The following MRTFA variants were observed in gnomAD, a reference collection of about 807,000 sequenced individuals.
The protein encoded by MRTFA is myocardin related transcription factor A.
MRTFA carries 20 observed loss-of-function variants against 83.5 expected under a neutral mutation model. That is an observed-to-expected ratio of 0.24 (90% CI 0.17 to 0.35). The LOEUF is 0.35. Ranked by LOEUF, MRTFA falls within the 10% of genes least tolerant of loss-of-function variation. MRTFA has a pLI of 1.00. For synonymous variants in MRTFA, 659 were observed against 541.2 expected, an observed-to-expected ratio of 1.22 and a Z score of -3.02; for missense variants, 1,200 against 1,224.7, an observed-to-expected ratio of 0.98 and a Z score of 0.30.
chr22:40,630,992 T>G (rs1291137146), intron 1 of MRTFA, among the ~76,000 whole-genome samples: 3 of 152,166 alleles, frequency 2.0e-5, no homozygotes, highest in Admixed American at 6.5e-5. Context: ...AAGTACTGCT[T>G]CCAGCTAAAC....
At chr22:40,599,463 T>C (rs2056232545) in intron 1 of MRTFA, among the ~76,000 whole-genome samples, 1 of 152,186 alleles carries the variant, frequency 6.6e-6, no homozygotes, top group African/African-American at 2.4e-5. Context: ...AAGATGACAT[T>C]ATCCTTATCT....
At chr22:40,437,872 AT>A (rs2053202101) in intron 4 of MRTFA, among the ~76,000 whole-genome samples, 2 of 151,846 alleles carry the variant, frequency 1.3e-5, no homozygotes, top group South Asian at 4.2e-4. Context: ...GGTTTTGTCT[AT>A]TTTTTTAGTC....
chr22:40,574,982 G>A (rs1166848326), intron 2 of MRTFA, among the ~76,000 whole-genome samples: 2 of 152,118 alleles, frequency 1.3e-5, no homozygotes, highest in Non-Finnish European at 1.5e-5. Flanking sequence ...TGAACTCCTG[G>A]ACTAGACTAT....
intron 4 of MRTFA, among the ~76,000 whole-genome samples, chr22:40,437,159 ACCTGGGCACTAT>A (rs1431895023): frequency 1.3e-5 from 2 of 152,108 alleles, no homozygotes; most frequent in African/African-American, 4.8e-5. Flanking sequence ...TCCCCAACCT[ACCTGGGCACTAT>A]CCAGGATTCC....
chr22:40,474,682 G>A (rs2053963998), intron 3 of MRTFA, among the ~76,000 whole-genome samples: 1 of 152,212 alleles, frequency 6.6e-6, no homozygotes, highest in Non-Finnish European at 1.5e-5. Flanking sequence ...ATACAGTAGT[G>A]ACTGAAGGCC....
At chr22:40,539,738 G>A (rs925524164) in intron 3 of MRTFA, among the ~76,000 whole-genome samples, 5 of 152,070 alleles carry the variant, frequency 3.3e-5, no homozygotes, top group Admixed American at 6.5e-5. Context: ...TCTTGACCTC[G>A]TGATCCGCCT....
rs71199292 is a variant in MRTFA at position 40,571,026 on chromosome 22, C to CAAAAAAAA, written c.-21-18667_-21-18660dup. On this transcript the variant is annotated intron_variant, in intron 2 of 14. Transcript: ENST00000355630. Reference sequence around the variant, plus strand: ...GCAACATAGTGAATCCCTGTCTCTACAAAAAAAAAAAAAAAAAAAAAAAAA... The same window carrying CAAAAAAAA: ...GCAACATAGTGAATCCCTGTCTCTACAAAAAAAAAAAAAAAAAAAAAAAAAAAAAAAAA... Among the ~76,000 whole-genome samples, 13 of 46,730 alleles carry CAAAAAAAA rather than the reference C, an allele frequency of 2.8e-4. 2 individuals are homozygous for CAAAAAAAA. Among genetic ancestry groups the CAAAAAAAA allele is most frequent in the Non-Finnish European group, 4.5e-4 (12 of 26,652 alleles). The allele number at this position is 46,730 out of a possible 152,430, so 30.7% of individuals were successfully genotyped here.
intron 3 of MRTFA, among the ~76,000 whole-genome samples, chr22:40,469,140 T>C (rs2053858931): frequency 6.6e-6 from 1 of 152,158 alleles, no homozygotes; most frequent in African/African-American, 2.4e-5. Context: ...CTCTCAACAA[T>C]AGACAGAACA....
chr22:40,423,732 G>T, intron 8 of MRTFA, 47 bp from the exon 9 acceptor site: 4 of 1,478,924 alleles, frequency 2.7e-6, no homozygotes, highest in Non-Finnish European at 2.7e-6. Context: ...TCCAGGTAGG[G>T]TGTGCCCAGC....
At chr22:40,448,075 T>TA (rs2053415506) in intron 4 of MRTFA, among the ~76,000 whole-genome samples, 1 of 151,640 alleles carries the variant, frequency 6.6e-6, no homozygotes, top group Non-Finnish European at 1.5e-5. Context: ...ACTTTGGGAG[T>TA]ACGAGGTGGG....
chr22:40,463,479 G>A (rs894627311), intron 3 of MRTFA, 193 bp from the exon 4 acceptor site: 9 of 542,654 alleles, frequency 1.7e-5, no homozygotes, highest in African/African-American at 1.1e-4. Context: ...TGCTGTGGGC[G>A]GTGAGAGGAA....
intron 14 of MRTFA, among the ~76,000 whole-genome samples, chr22:40,414,574 A>C (rs529332291): frequency 6.6e-6 from 1 of 152,322 alleles, no homozygotes; most frequent in African/African-American, 2.4e-5. Context: ...CACATGCTGC[A>C]ACACAGATGG....
chr22:40,535,355 T>TC (rs1279613777), intron 3 of MRTFA, among the ~76,000 whole-genome samples: 13 of 138,386 alleles, frequency 9.4e-5, no homozygotes, highest in African/African-American at 3.1e-4. Flanking sequence ...TTTCTTTTTT[T>TC]TTTTTTTTTT....
chr22:40,445,020 T>C (rs2053349437), intron 4 of MRTFA, among the ~76,000 whole-genome samples: 1 of 152,142 alleles, frequency 6.6e-6, no homozygotes, highest in Non-Finnish European at 1.5e-5. Flanking sequence ...TGAGCCGTGA[T>C]CACACCACTA....
chr22:40,420,772 C>T (rs1211293154), intron 10 of MRTFA, 75 bp downstream of exon 10: 23 of 1,592,050 alleles, frequency 1.4e-5, no homozygotes, highest in Non-Finnish European at 8.5e-7. Context: ...GGTTCACCCC[C>T]ACCAGACCTG....
At chr22:40,582,427 T>C (rs181390225) in intron 2 of MRTFA, among the ~76,000 whole-genome samples, 6 of 152,328 alleles carry the variant, frequency 3.9e-5, no homozygotes, top group Admixed American at 3.3e-4. Context: ...CTCTTGAGTA[T>C]ATAACGATGA....
chr22:40,501,739 C>G (rs2054480299), intron 3 of MRTFA, among the ~76,000 whole-genome samples: 1 of 55,002 alleles, frequency 1.8e-5, no homozygotes, highest in Non-Finnish European at 3.6e-5. Flanking sequence ...CTCCTCACTT[C>G]CCAGTAGGGG....
At chr22:40,456,847 C>G (rs911989492) in intron 4 of MRTFA, among the ~76,000 whole-genome samples, 2 of 152,146 alleles carry the variant, frequency 1.3e-5, no homozygotes, top group African/African-American at 2.4e-5. Flanking sequence ...ACTGGGCTAG[C>G]CTAAGGTCCT....
chr22:40,454,202 T>A (rs747947376), intron 4 of MRTFA, among the ~76,000 whole-genome samples: 1 of 152,090 alleles, frequency 6.6e-6, no homozygotes, highest in Non-Finnish European at 1.5e-5. Flanking sequence ...AGTGGCACAA[T>A]CTCAGCTCCC....
Sources: allele counts gnomAD v4.1 joint callset (sites outside exome capture counted in the v4.1 genomes callset), GRCh38; gene constraint gnomAD v4.1.1; transcripts MANE v1.5; gene names NCBI Gene and HGNC (gene_info 2026-07-23, HGNC 2026-07-21).